RABGAP1: variants seen among roughly 807,000 people sequenced by gnomAD.
The protein encoded by RABGAP1 is RAB GTPase activating protein 1, also known as rab GTPase-activating protein 1.
RABGAP1 carries 23 observed loss-of-function variants against 137.6 expected under a neutral mutation model. The observed-to-expected ratio is 0.17, with a 90% CI of 0.12 to 0.24. The LOEUF is 0.24. RABGAP1 is among the 10% of genes least tolerant of loss of function. The pLI is 1.00. For missense variants in RABGAP1, 906 were observed against 1,275.8 expected, an observed-to-expected ratio of 0.71 and a Z score of 4.42; for synonymous variants, 451 against 450.7, an observed-to-expected ratio of 1.00 and a Z score of -0.01.
intron 10 of RABGAP1, among the ~76,000 whole-genome samples, chr9:123,009,588 A>T (rs2030615857): frequency 6.6e-6 from 1 of 152,226 alleles, no homozygotes; most frequent in Non-Finnish European, 1.5e-5. Context: ...GAATGTTAGT[A>T]TACTTACTTA....
chr9:123,009,292 A>G (rs2030587971), intron 10 of RABGAP1, among the ~76,000 whole-genome samples: 1 of 152,232 alleles, frequency 6.6e-6, no homozygotes, highest in South Asian at 2.1e-4. Flanking sequence ...TCAAGATGAT[A>G]TTGAAAGAGC....
chr9:122,975,976 C>T (rs1156890268), intron 2 of RABGAP1, among the ~76,000 whole-genome samples: 1 of 152,180 alleles, frequency 6.6e-6, no homozygotes, highest in Non-Finnish European at 1.5e-5. Context: ...AGTTCAGTTG[C>T]ATAGGCTTTG....
intron 15 of RABGAP1, chr9:123,071,468 C>T (rs150053428): frequency 1.3e-5 from 2 of 152,310 alleles, no homozygotes; most frequent in East Asian, 1.9e-4. Context: ...GTTTTGAGTA[C>T]CTGTTATGAT....
At chr9:123,099,334 A>G in intron 23 of RABGAP1, 144 bp from the exon 24 acceptor site, 1 of 720,734 alleles carries the variant, frequency 1.4e-6, no homozygotes, top group South Asian at 1.9e-5. Context: ...CTGCTTATCC[A>G]TCGACTTCAT....
chr9:123,009,781 C>T (rs2030633800), intron 10 of RABGAP1, among the ~76,000 whole-genome samples: 1 of 149,418 alleles, frequency 6.7e-6, no homozygotes, highest in Non-Finnish European at 1.5e-5. Context: ...CTCTGCCATT[C>T]ACCTCCCCCT....
intron 10 of RABGAP1, among the ~76,000 whole-genome samples, chr9:122,999,420 A>G (rs1837211124): frequency 6.6e-6 from 1 of 150,584 alleles, no homozygotes; most frequent in African/African-American, 2.4e-5. Context: ...CGGACTCCTC[A>G]CCTCAGGTCA....
chr9:123,100,859 T>G (rs1174115215), intron 24 of RABGAP1, among the ~76,000 whole-genome samples: 2 of 152,228 alleles, frequency 1.3e-5, no homozygotes, highest in African/African-American at 4.8e-5. Flanking sequence ...TTATTAATAC[T>G]GTGGTGTGTA....
intron 13 of RABGAP1, among the ~76,000 whole-genome samples, chr9:123,048,503 G>A (rs760459922): frequency 4.6e-5 from 7 of 152,096 alleles, no homozygotes; most frequent in Non-Finnish European, 1.0e-4. Flanking sequence ...AGCATACAAC[G>A]CTTTACAAAA....
chr9:122,974,415 C>CTTTTTTTTTTTTT (rs11331973), intron 2 of RABGAP1, among the ~76,000 whole-genome samples: 1 of 58,218 alleles, frequency 1.7e-5, no homozygotes, highest in Non-Finnish European at 3.1e-5. Flanking sequence ...ATGGCTTTGT[C>CTTTTTTTTTTTTT]TTTTTTTTTT....
intron 19 of RABGAP1, among the ~76,000 whole-genome samples, chr9:123,088,155 A>T (rs2034926123): frequency 6.6e-6 from 1 of 151,470 alleles, no homozygotes; most frequent in African/African-American, 2.4e-5. Context: ...GGCTCAAGGG[A>T]TCCTCCCACC....
rs551299091 is a variant in RABGAP1 at position 123,022,429 on chromosome 9, T to C, written c.1794+1970T>C. 5.3e-5 allele frequency among the ~76,000 whole-genome samples: 8 copies of C among 152,258 alleles called. No homozygotes were observed. The South Asian group carries it at 1.7e-3, about 32-fold the overall frequency. ...TTTTGTTTTTCTTTTTGAGACGGAG[T>C]CTAGCTCTGTCACCCTGGCTAGAGT... On this transcript the variant is annotated intron_variant, in intron 13 of 25. Transcript: ENST00000373647.
chr9:122,973,980 C>G (rs903634865), intron 2 of RABGAP1, among the ~76,000 whole-genome samples: 2 of 151,160 alleles, frequency 1.3e-5, no homozygotes, highest in East Asian at 1.9e-4. Context: ...GCACTCCAGC[C>G]TGGGCGACGA....
At chr9:122,984,841 A>G (rs1487731287) in intron 3 of RABGAP1, 122 bp downstream of exon 3, 3 of 825,938 alleles carry the variant, frequency 3.6e-6, no homozygotes, top group Middle Eastern at 2.5e-4. Flanking sequence ...AGGCAAAAAC[A>G]TTCTCTAGAA....
At chr9:123,009,126 A>G (rs1374874599) in intron 10 of RABGAP1, among the ~76,000 whole-genome samples, 4 of 152,074 alleles carry the variant, frequency 2.6e-5, no homozygotes, top group Non-Finnish European at 5.9e-5. Flanking sequence ...TTCTATTGGA[A>G]CACAGCCAAA....
chr9:122,966,031 C>G (rs1231179287), intron 2 of RABGAP1, among the ~76,000 whole-genome samples: 1 of 152,034 alleles, frequency 6.6e-6, no homozygotes, highest in African/African-American at 2.4e-5. Flanking sequence ...ATGGCATTAC[C>G]TCAGTAATGC....
intron 2 of RABGAP1, among the ~76,000 whole-genome samples, chr9:122,968,472 C>G (rs181805514): frequency 9.2e-4 from 140 of 152,186 alleles, no homozygotes; most frequent in African/African-American, 3.2e-3. Context: ...ATCTGCCTGC[C>G]TTGGCCTCTC....
In RABGAP1 at chr9:122,945,147, CTTT is replaced by C. The variant is rs202090815; in HGVS notation, c.-50+4068_-50+4070del. On this transcript the variant is annotated intron_variant, in intron 1 of 25. Transcript: ENST00000373647. ...CACCATGTATACATCATAGCTGTTG[CTTT>C]TTTTTTTTTTTTTAGCATAAACTGG... Among the ~76,000 whole-genome samples, 216 of 75,822 alleles carry C rather than the reference CTTT, an allele frequency of 2.8e-3. 34 individuals are homozygous for C. The highest frequency in any genetic ancestry group is 5.2e-3 in the Non-Finnish European group (183 of 34,992). The allele number at this position is 75,822 out of a possible 152,430, so 49.7% of individuals were successfully genotyped here. A position where few individuals can be genotyped will look rare whatever the true frequency, so the allele number is the denominator to read the frequency against.
At chr9:123,086,559 G>A (rs1417931248) in intron 19 of RABGAP1, among the ~76,000 whole-genome samples, 1 of 152,158 alleles carries the variant, frequency 6.6e-6, no homozygotes, top group Non-Finnish European at 1.5e-5. Flanking sequence ...TCTTGGAATT[G>A]GTGCCTCAGA....
chr9:122,935,282 G>T, the RABGAP1 span, among the ~76,000 whole-genome samples: 1 of 152,012 alleles, frequency 6.6e-6, no homozygotes, highest in African/African-American at 2.4e-5. Flanking sequence ...GTAAAGCTCT[G>T]CCCTTTCCTT....
Sources: allele counts gnomAD v4.1 joint callset (sites outside exome capture counted in the v4.1 genomes callset), GRCh38; gene constraint gnomAD v4.1.1; transcripts MANE v1.5; gene names NCBI Gene and HGNC (gene_info 2026-07-23, HGNC 2026-07-21).